The following TMEM38B variants were observed in gnomAD, a reference collection of about 807,000 sequenced individuals.
The protein encoded by TMEM38B is trimeric intracellular cation channel type B.
TMEM38B carries 24 observed loss-of-function variants against 28.7 expected under a neutral mutation model. The ratio of observed to expected loss-of-function variants is 0.84; its 90% CI spans 0.61 to 1.18. The LOEUF (loss-of-function observed/expected upper bound fraction) is 1.18, where lower values mean the gene tolerates loss of function less well. Ranked by LOEUF, TMEM38B falls within the 50% of genes most tolerant of loss-of-function variation. The pLI is 0.00. For missense variants in TMEM38B, 380 were observed against 350.9 expected (o/e 1.08, Z -0.66); for synonymous variants, 131 against 127.7 (o/e 1.03, Z -0.17).
At chr9:105,698,445 T>A (rs1339088386) in intron 1 of TMEM38B, among the ~76,000 whole-genome samples, 2 of 152,128 alleles carry the variant, frequency 1.3e-5, no homozygotes, top group Admixed American at 1.3e-4. Context: ...GTGGAGAAGG[T>A]GACATATTTT....
rs1375717430 is a variant in TMEM38B, at chr9:105,704,443, G to A, written c.113-1154G>A. Among the ~76,000 whole-genome samples, 6 of 152,190 alleles carry A rather than the reference G, an allele frequency of 3.9e-5. No homozygotes were observed. In the East Asian group the frequency reaches 1.2e-3, roughly 29 times the overall value. On this transcript the variant is annotated intron_variant, in intron 1 of 5. Transcript: ENST00000374692. The stretch of plus-strand genomic sequence containing the variant: ...AAGTAAATAAATAAATATAGTTTGA[G>A]TTAGAGACATTGTTCATATCTAGAA...
At chr9:105,700,607 C>T (rs1372290656) in intron 1 of TMEM38B, among the ~76,000 whole-genome samples, 1 of 152,134 alleles carries the variant, frequency 6.6e-6, no homozygotes, top group Non-Finnish European at 1.5e-5. Flanking sequence ...AATAAGGTGT[C>T]ACTTGACATG....
chr9:105,769,780 T>C (rs1826488147), intron 5 of TMEM38B, among the ~76,000 whole-genome samples: 1 of 152,218 alleles, frequency 6.6e-6, no homozygotes, highest in South Asian at 2.1e-4. Flanking sequence ...ATTGTGTTTA[T>C]TGTTTATTGC....
At chr9:105,758,805 G>T (rs547217069) in intron 5 of TMEM38B, 2 of 884,226 alleles carry the variant, frequency 2.3e-6, no homozygotes, top group Admixed American at 3.8e-5. Flanking sequence ...GGAAAATTCC[G>T]AGAAAATAAA....
intron 5 of TMEM38B, 141 bp from the exon 6 acceptor site, chr9:105,773,724 A>AT: frequency 1.4e-6 from 1 of 711,892 alleles, no homozygotes; most frequent in Non-Finnish European, 2.3e-6. Flanking sequence ...GAGAACAGAG[A>AT]TTTTACCAGA....
chr9:105,739,161 A>T (rs1003072385), intron 4 of TMEM38B, among the ~76,000 whole-genome samples: 1 of 152,184 alleles, frequency 6.6e-6, no homozygotes, highest in African/African-American at 2.4e-5. Flanking sequence ...TCAACTGAGC[A>T]TAGATGTATG....
rs1310620998 is a variant in TMEM38B at position 105,775,429 on chromosome 9, C to T, written c.*1349C>T. The T allele has an allele frequency of 1.3e-5, 2 of 152,090 alleles. No individual in the cohort carries two copies. The highest frequency in any genetic ancestry group is 2.9e-5 in the Non-Finnish European group (2 of 67,952). The allele number at this position is 152,090 out of a possible 1,614,324, so 9.4% of individuals were successfully genotyped here. On this transcript the variant is annotated 3_prime_UTR_variant, in exon 6 of 6. Transcript: ENST00000374692. ...TTACCAAAACCATGAACCTACTCCC[C>T]GTATCAGGTATTTTCGATGGTTTAG...
At chr9:105,725,189 C>G (rs1836464105) in intron 4 of TMEM38B, among the ~76,000 whole-genome samples, 1 of 151,908 alleles carries the variant, frequency 6.6e-6, no homozygotes, top group South Asian at 2.1e-4. Context: ...TGCAACACCT[C>G]GTTCTATTTT....
At chr9:105,712,752 C>G (rs1025649464) in intron 2 of TMEM38B, among the ~76,000 whole-genome samples, 4 of 152,244 alleles carry the variant, frequency 2.6e-5, no homozygotes, top group Non-Finnish European at 5.9e-5. Context: ...TCTGGTGTGG[C>G]TGCTGCCATC....
At position 105,694,611 on chromosome 9, in the gene TMEM38B, CG is replaced by C. The variant is rs759989164; in HGVS notation, c.-46del. The C allele has an allele frequency of 2.6e-6, 4 of 1,524,308 alleles. No individual in the cohort carries two copies. In the African/African-American group the frequency reaches 4.1e-5, roughly 16 times the overall value. The allele number at this position is 1,524,308 out of a possible 1,614,324, so 94.4% of individuals were successfully genotyped here. On this transcript the variant is annotated 5_prime_UTR_variant, in exon 1 of 6. Transcript: ENST00000374692. ...TCTCCTACTCCTCACCGCGCGAGCG[CG>C]GGGAACCAGTAGCCGCGGCTGCTTC... is the stretch of plus-strand genomic sequence containing the variant.
At chr9:105,748,596 T>C (rs1195795970) in intron 5 of TMEM38B, among the ~76,000 whole-genome samples, 1 of 152,244 alleles carries the variant, frequency 6.6e-6, no homozygotes, top group Non-Finnish European at 1.5e-5. Flanking sequence ...CATTCTTTTC[T>C]ATTACTATTG....
intron 2 of TMEM38B, chr9:105,710,222 T>G (rs1365695223): frequency 1.9e-6 from 1 of 513,958 alleles, no homozygotes; most frequent in Non-Finnish European, 3.6e-6. Context: ...TTGGTTCTTT[T>G]TCCACTTTCA....
intron 3 of TMEM38B, among the ~76,000 whole-genome samples, chr9:105,722,188 A>C (rs1199184000): frequency 6.6e-6 from 1 of 152,176 alleles, no homozygotes; most frequent in African/African-American, 2.4e-5. Context: ...TAGGAATTGA[A>C]CAAATCTCTG....
intron 4 of TMEM38B, among the ~76,000 whole-genome samples, chr9:105,737,476 A>G (rs1837028411): frequency 6.6e-6 from 1 of 152,174 alleles, no homozygotes; most frequent in South Asian, 2.1e-4. Flanking sequence ...ATGTGCAGCA[A>G]CAACAGTTAC....
chr9:105,729,847 T>A (rs1460589281), intron 4 of TMEM38B, among the ~76,000 whole-genome samples: 4 of 152,138 alleles, frequency 2.6e-5, no homozygotes, highest in Non-Finnish European at 5.9e-5. Flanking sequence ...GTAGTAATTG[T>A]GAATGGGAGT....
At chr9:105,761,591 A>T (rs2133639986) in intron 5 of TMEM38B, among the ~76,000 whole-genome samples, 1 of 152,334 alleles carries the variant, frequency 6.6e-6, no homozygotes, top group East Asian at 1.9e-4. Context: ...GATGCTTAAA[A>T]TAACAACATT....
At chr9:105,712,671 T>C (rs1247880285) in intron 2 of TMEM38B, among the ~76,000 whole-genome samples, 5 of 152,222 alleles carry the variant, frequency 3.3e-5, no homozygotes, top group African/African-American at 1.2e-4. Flanking sequence ...AAAATGAAGA[T>C]AGTCTAGTTT....
At chr9:105,745,868 T>C (rs1230133163) in intron 4 of TMEM38B, among the ~76,000 whole-genome samples, 1 of 152,200 alleles carries the variant, frequency 6.6e-6, no homozygotes, top group African/African-American at 2.4e-5. Flanking sequence ...TTTTGTCAGG[T>C]TTGTCAAAGA....
intron 1 of TMEM38B, among the ~76,000 whole-genome samples, chr9:105,699,928 A>AT (rs1378127482): frequency 6.6e-6 from 1 of 152,138 alleles, no homozygotes; most frequent in African/African-American, 2.4e-5. Context: ...GTGAGAAGCC[A>AT]TTTTAACAGG....
Sources: allele counts gnomAD v4.1 joint callset (sites outside exome capture counted in the v4.1 genomes callset), GRCh38; gene constraint gnomAD v4.1.1; transcripts MANE v1.5; gene names NCBI Gene and HGNC (gene_info 2026-07-23, HGNC 2026-07-21).